The following FTO variants were observed in gnomAD, a reference collection of about 807,000 sequenced individuals.
FTO encodes the protein FTO alpha-ketoglutarate dependent dioxygenase.
A neutral mutation model predicts 63.9 loss-of-function variants in FTO; 47 were observed. The observed-to-expected ratio is 0.74, with a 90% CI of 0.58 to 0.94. The LOEUF (loss-of-function observed/expected upper bound fraction) is 0.94, where lower values mean the gene tolerates loss of function less well. Among genes scored for constraint, FTO ranks in the 40% least tolerant of loss-of-function variants. The pLI is 0.00. For synonymous variants in FTO, 207 were observed against 224.4 expected (o/e 0.92, Z 0.69); for missense variants, 562 against 618.1 (o/e 0.91, Z 0.96).
chr16:53,747,641 C>T (rs1380838961), intron 1 of FTO, among the ~76,000 whole-genome samples: 1 of 152,048 alleles, frequency 6.6e-6, no homozygotes, highest in Non-Finnish European at 1.5e-5. Flanking sequence ...TTAATTGTTT[C>T]CTTTCTTGTG....
At chr16:53,966,097 G>A (rs186883763) in intron 8 of FTO, among the ~76,000 whole-genome samples, 1 of 152,036 alleles carries the variant, frequency 6.6e-6, no homozygotes, top group African/African-American at 2.4e-5. Context: ...CGAACTCCTG[G>A]CCTCAAGTGA....
chr16:53,944,530 C>T (rs1224161421), intron 8 of FTO, among the ~76,000 whole-genome samples: 2 of 152,170 alleles, frequency 1.3e-5, no homozygotes, highest in African/African-American at 4.8e-5. Flanking sequence ...GGTTTTCTTT[C>T]AGAGTAAATT....
rs548656885 is a variant in FTO at position 53,888,623 on chromosome 16, C to A, written c.1120-209C>A. Among the ~76,000 whole-genome samples the A allele has an allele frequency of 2.0e-5, 3 of 152,188 alleles. No individual in the cohort carries two copies. In the South Asian group the frequency reaches 6.2e-4, roughly 32 times the overall value. On this transcript the variant is annotated intron_variant, in intron 6 of 8. Transcript: ENST00000471389. ...GCATGAACCAACACGTCTGGCCAGA[C>A]CTCAGTTTTAAGACTACTCTTTTCT...
intron 4 of FTO, among the ~76,000 whole-genome samples, chr16:53,850,334 C>G (rs1022893499): frequency 2.5e-4 from 38 of 149,208 alleles, no homozygotes; most frequent in Admixed American, 1.9e-3. Context: ...TTCTTGTGTT[C>G]AATTTTTTTT....
At chr16:54,041,500 G>T (rs543090008) in intron 8 of FTO, among the ~76,000 whole-genome samples, 1 of 152,088 alleles carries the variant, frequency 6.6e-6, no homozygotes, top group Non-Finnish European at 1.5e-5. Flanking sequence ...CCCACCTAGC[G>T]ATTCAAAGAA....
At chr16:53,958,224 T>A (rs947665019) in intron 8 of FTO, among the ~76,000 whole-genome samples, 2 of 152,190 alleles carry the variant, frequency 1.3e-5, no homozygotes, top group Non-Finnish European at 2.9e-5. Context: ...TTAGAGAAGG[T>A]TAACCACTAG....
chr16:54,041,608 G>C (rs768690775), intron 8 of FTO, among the ~76,000 whole-genome samples: 4 of 152,170 alleles, frequency 2.6e-5, no homozygotes, highest in African/African-American at 4.8e-5. Context: ...CCTGAGGACA[G>C]TATCCTTTCT....
At chr16:53,810,113 T>A in intron 1 of FTO, 27 bp from the exon 2 acceptor site, 1 of 1,496,782 alleles carries the variant, frequency 6.7e-7, no homozygotes, top group Non-Finnish European at 9.3e-7. Context: ...GCATATTCAC[T>A]TATATGTAAT....
At chr16:53,904,134 A>G (rs1032315293) in intron 7 of FTO, among the ~76,000 whole-genome samples, 1 of 152,036 alleles carries the variant, frequency 6.6e-6, no homozygotes, top group African/African-American at 2.4e-5. Flanking sequence ...ATGTGTCCAT[A>G]TAATGCCAGT....
chr16:53,866,434 A>G (rs967040076), intron 4 of FTO, among the ~76,000 whole-genome samples: 2 of 152,180 alleles, frequency 1.3e-5, no homozygotes, highest in Non-Finnish European at 2.9e-5. Context: ...CTTCTAGTAA[A>G]GAATGTTAAG....
intron 8 of FTO, among the ~76,000 whole-genome samples, chr16:54,010,545 C>A (rs1218320778): frequency 1.3e-5 from 2 of 150,150 alleles, no homozygotes; most frequent in African/African-American, 2.5e-5. Context: ...CAGGAGAAGA[C>A]CATTCTAGCC....
At chr16:53,961,186 ATCG>A (rs1567476237) in intron 8 of FTO, among the ~76,000 whole-genome samples, 7 of 151,306 alleles carry the variant, frequency 4.6e-5, no homozygotes, top group Non-Finnish European at 8.8e-5. Flanking sequence ...TCTGCTCTGC[ATCG>A]AGTGCAGCTT....
intron 8 of FTO, among the ~76,000 whole-genome samples, chr16:53,968,685 T>C (rs1208514267): frequency 6.6e-6 from 1 of 152,152 alleles, no homozygotes; most frequent in African/African-American, 2.4e-5. Flanking sequence ...TACCAACACA[T>C]GTGTGTGTTG....
intron 8 of FTO, chr16:54,040,567 A>G (rs1207995591): frequency 2.0e-5 from 3 of 152,206 alleles, no homozygotes; most frequent in Non-Finnish European, 2.9e-5. Context: ...GGGTAGAGGA[A>G]TGGGTAATAT....
intron 8 of FTO, among the ~76,000 whole-genome samples, chr16:54,066,183 A>T (rs1027002615): frequency 6.6e-6 from 1 of 152,316 alleles, no homozygotes; most frequent in Admixed American, 6.5e-5. Context: ...TTGCTGTCCC[A>T]GGAGACTTTC....
chr16:53,803,065 A>G (rs2078266822), intron 1 of FTO, among the ~76,000 whole-genome samples: 4 of 152,062 alleles, frequency 2.6e-5, no homozygotes. Context: ...TATCAGTCAT[A>G]TTGTCTTGCC....
At chr16:53,950,158 A>AAAAAAAAAAAAAAAACAAAAAAAAAAAAC in intron 8 of FTO, among the ~76,000 whole-genome samples, 2 of 117,846 alleles carry the variant, frequency 1.7e-5, no homozygotes, top group Non-Finnish European at 3.7e-5. Context: ...ACATTTGTAA[A>AAAAAAAAAAAAAAAACAAAAAAAAAAAAC]AAAAAAAAAA....
intron 2 of FTO, among the ~76,000 whole-genome samples, chr16:53,822,677 C>A (rs1238543560): frequency 6.6e-6 from 1 of 151,838 alleles, no homozygotes; most frequent in Non-Finnish European, 1.5e-5. Flanking sequence ...CATATTAAAC[C>A]TATTTGTGTG....
Position 53,949,361 on chromosome 16 carries a change from G to A in FTO, c.1364+15252G>A, listed in dbSNP as rs75291986. Among the ~76,000 whole-genome samples, 1,255 of 152,324 alleles carry A rather than the reference G, an allele frequency of 8.2e-3. 95 individuals carry two copies. In the East Asian group the frequency reaches 0.18, roughly 22 times the overall value. On this transcript the variant is annotated intron_variant, in intron 8 of 8. Transcript: ENST00000471389. ...TGAGTTGGGAAGTTGTTAAATACAA[G>A]AGGGTTTGAGCTTCTGGAGAAGAGG...
Sources: allele counts gnomAD v4.1 joint callset (sites outside exome capture counted in the v4.1 genomes callset), GRCh38; gene constraint gnomAD v4.1.1; transcripts MANE v1.5; gene names NCBI Gene and HGNC (gene_info 2026-07-23, HGNC 2026-07-21).